Variants in NAV3 observed in about 807,000 individuals in gnomAD.
The protein encoded by NAV3 is neuron navigator 3.
NAV3 carries 87 observed loss-of-function variants against 244.7 expected under a neutral mutation model. That is an observed-to-expected ratio of 0.36 (90% CI 0.30 to 0.42). The LOEUF (loss-of-function observed/expected upper bound fraction) is 0.42, where lower values mean the gene tolerates loss of function less well. NAV3 is among the 20% of genes least tolerant of loss of function. The pLI is 1.00. For synonymous variants in NAV3, 1,126 were observed against 1,042.2 expected (o/e 1.08, Z -1.55); for missense variants, 2,663 against 2,893.3 (o/e 0.92, Z 1.83).
intron 18 of NAV3, among the ~76,000 whole-genome samples, chr12:78,135,824 T>C (rs1956349521): frequency 6.6e-6 from 1 of 152,168 alleles, no homozygotes; most frequent in Non-Finnish European, 1.5e-5. Context: ...TTTTTACTTT[T>C]TTCGCCTTTC....
chr12:78,210,830 T>C lies in NAV3; in HGVS notation c.*313T>C, dbSNP rs1594067864. ...CACATGGGATAGCCAAACTGGACTT[T>C]CTTTGTTTCCTCTTTAAAAGTTTAC... is the stretch of plus-strand genomic sequence containing the variant. On this transcript the variant is annotated 3_prime_UTR_variant, in exon 40 of 40. Transcript: ENST00000397909. 2 of 283,370 alleles carry C rather than the reference T, an allele frequency of 7.1e-6. No individual in the cohort carries two copies. The highest frequency in any genetic ancestry group is 8.6e-5 in the East Asian group (1 of 11,600). 17.6% of individuals were successfully genotyped at this position (283,370 alleles called of 1,614,324 possible). A position where few individuals can be genotyped will look rare whatever the true frequency, so the allele number is the denominator to read the frequency against.
At chr12:77,855,049 C>A (rs990137270) in intron 1 of NAV3, among the ~76,000 whole-genome samples, 1 of 152,112 alleles carries the variant, frequency 6.6e-6, no homozygotes, top group African/African-American at 2.4e-5. Flanking sequence ...ATGGCCTGAA[C>A]CCAGGAGGCG....
intron 3 of NAV3, among the ~76,000 whole-genome samples, chr12:77,956,708 C>T (rs1891393218): frequency 6.7e-6 from 1 of 148,308 alleles, no homozygotes; most frequent in Admixed American, 6.9e-5. Flanking sequence ...GCTTGTCTAA[C>T]CTTATATAAA....
chr12:77,896,131 AG>A (rs1270069656), intron 1 of NAV3, among the ~76,000 whole-genome samples: 1 of 152,170 alleles, frequency 6.6e-6, no homozygotes, highest in Non-Finnish European at 1.5e-5. Flanking sequence ...ATCATTTTCA[AG>A]AGACAGATCG....
At chr12:77,661,638 A>G (rs981071965) in intron 2 of NAV3, among the ~76,000 whole-genome samples, 3 of 152,092 alleles carry the variant, frequency 2.0e-5, no homozygotes, top group East Asian at 1.9e-4. Flanking sequence ...AGGCCCCCCA[A>G]ATTTTCTCCT....
At chr12:78,147,744 T>G (rs184016104) in intron 21 of NAV3, among the ~76,000 whole-genome samples, 1 of 152,170 alleles carries the variant, frequency 6.6e-6, no homozygotes, top group Admixed American at 6.6e-5. Context: ...CAACAAAATC[T>G]AATGCCCGGG....
chr12:78,031,443 G>T (rs1241595689), intron 9 of NAV3, among the ~76,000 whole-genome samples: 1 of 152,070 alleles, frequency 6.6e-6, no homozygotes, highest in Non-Finnish European at 1.5e-5. Flanking sequence ...AGGACTGGAT[G>T]TGTGACCCAA....
intron 3 of NAV3, among the ~76,000 whole-genome samples, chr12:77,964,582 T>C (rs1382654700): frequency 1.3e-5 from 2 of 152,158 alleles, no homozygotes; most frequent in African/African-American, 4.8e-5. Flanking sequence ...TTCCTCCTCT[T>C]TTCCTTCCTT....
At chr12:78,107,777 C>T (rs891098738) in intron 12 of NAV3, among the ~76,000 whole-genome samples, 9 of 151,792 alleles carry the variant, frequency 5.9e-5, no homozygotes, top group African/African-American at 9.7e-5. Flanking sequence ...AGTGAAAGGA[C>T]GACATTTATC....
chr12:77,832,068 C>G (rs541503650), intron 1 of NAV3, among the ~76,000 whole-genome samples: 1 of 152,238 alleles, frequency 6.6e-6, no homozygotes, highest in Admixed American at 6.5e-5. Context: ...AAAATAGGTA[C>G]TTTCAAAAAG....
In NAV3 at chr12:78,000,992, A is replaced by T. The variant is rs990975661; in HGVS notation, c.880+2516A>T. 2.7e-4 allele frequency among the ~76,000 whole-genome samples: 39 copies of T among 143,738 alleles called. No individual in the cohort carries two copies. In the East Asian group the frequency reaches 7.5e-3, roughly 28 times the overall value. 94.3% of individuals were successfully genotyped at this position (143,738 alleles called of 152,430 possible). A position where few individuals can be genotyped will look rare whatever the true frequency, so the allele number is the denominator to read the frequency against. ...GACTGGGTCTAAAAAAAAAAAAAAA[A>T]TTATAAGTTATTCTATATCCAAATG... is the stretch of plus-strand genomic sequence containing the variant. On this transcript the variant is annotated intron_variant, in intron 7 of 39. Transcript: ENST00000397909.
intron 9 of NAV3, among the ~76,000 whole-genome samples, chr12:78,041,456 T>A (rs1880841807): frequency 6.6e-6 from 1 of 152,200 alleles, no homozygotes; most frequent in Non-Finnish European, 1.5e-5. Flanking sequence ...GTTGCAATAT[T>A]TGAGTGACTG....
At chr12:77,968,959 G>A (rs1309849994) in intron 5 of NAV3, among the ~76,000 whole-genome samples, 1 of 152,102 alleles carries the variant, frequency 6.6e-6, no homozygotes. Context: ...AATGTCTTTG[G>A]TGTAAGTAAT....
intron 20 of NAV3, among the ~76,000 whole-genome samples, chr12:78,141,104 C>T (rs1157361369): frequency 6.6e-6 from 1 of 151,980 alleles, no homozygotes; most frequent in African/African-American, 2.4e-5. Flanking sequence ...ATTGACCAGA[C>T]TGATCAATAC....
rs188315899 is a variant in NAV3, at chr12:77,800,227, G to A, written c.73-140092G>A. ...TAGTAAAGGCCAAAAGGGAAAAGGGGAGAGCAGGAAAGGACTTTGTATTTA... is the reference window on the plus strand; with the variant it reads ...TAGTAAAGGCCAAAAGGGAAAAGGGAAGAGCAGGAAAGGACTTTGTATTTA... On this transcript the variant is annotated intron_variant, in intron 2 of 8. Transcript: ENST00000550042. Among the ~76,000 whole-genome samples the A allele has an allele frequency of 3.1e-3, 473 of 152,264 alleles. 1 individual carries two copies. Among genetic ancestry groups the A allele is most frequent in the Non-Finnish European group, 5.1e-3 (348 of 68,016 alleles).
chr12:77,999,990 G>A (rs1872970318), intron 7 of NAV3, among the ~76,000 whole-genome samples: 1 of 152,122 alleles, frequency 6.6e-6, no homozygotes, highest in Non-Finnish European at 1.5e-5. Flanking sequence ...GAAATTACTA[G>A]CAATGTTTGT....
chr12:77,812,275 T>G (rs966415385), intron 2 of NAV3, among the ~76,000 whole-genome samples: 3 of 152,152 alleles, frequency 2.0e-5, no homozygotes, highest in African/African-American at 7.2e-5. Context: ...AATTAATGAG[T>G]GAAACAAATA....
At chr12:77,709,228 A>G (rs1391972477) in intron 2 of NAV3, among the ~76,000 whole-genome samples, 2 of 152,234 alleles carry the variant, frequency 1.3e-5, no homozygotes, top group Non-Finnish European at 2.9e-5. Context: ...CAGACACAGA[A>G]AAGACCTTTG....
At chr12:78,046,044 C>T (rs756197409) in intron 9 of NAV3, among the ~76,000 whole-genome samples, 83 of 152,170 alleles carry the variant, frequency 5.5e-4, no homozygotes, top group Non-Finnish European at 8.2e-4. Context: ...TATTTTTTGA[C>T]GATAGTTTGT....
Sources: gnomAD v4.1 joint callset for allele counts (sites outside exome capture counted in the v4.1 genomes callset) on GRCh38, gnomAD v4.1.1 for gene constraint, MANE v1.5 for transcripts, NCBI Gene and HGNC (gene_info 2026-07-23, HGNC 2026-07-21) for gene names.